Variants in RANBP2 observed in about 807,000 individuals in gnomAD.
The protein encoded by RANBP2 is E3 SUMO-protein ligase RanBP2.
Under a neutral mutation model 303.6 loss-of-function variants are expected in RANBP2, and 57 were observed. The observed-to-expected ratio is 0.19, with a 90% CI of 0.15 to 0.23. The LOEUF is 0.23. Ranked by LOEUF, RANBP2 falls within the 10% of genes least tolerant of loss-of-function variation. RANBP2 has a pLI of 1.00. For synonymous variants in RANBP2, 1,167 were observed against 1,301.5 expected, an observed-to-expected ratio of 0.90 and a Z score of 2.23; for missense variants, 3,138 against 3,780.8, an observed-to-expected ratio of 0.83 and a Z score of 4.46.
At chr2:109,409,329 T>C in the RANBP2 span, among the ~76,000 whole-genome samples, 3 of 152,170 alleles carry the variant, frequency 2.0e-5, no homozygotes, top group African/African-American at 7.2e-5. Context: ...GTAAATAATC[T>C]AGACTTTGCA....
the RANBP2 span, among the ~76,000 whole-genome samples, chr2:109,147,465 A>G: frequency 6.6e-6 from 1 of 152,144 alleles, no homozygotes; most frequent in Non-Finnish European, 1.5e-5. Context: ...CGTATTTATA[A>G]TTTTCCATCT....
chr2:109,168,269 G>C, the RANBP2 span, among the ~76,000 whole-genome samples: 2 of 152,214 alleles, frequency 1.3e-5, no homozygotes, highest in Non-Finnish European at 2.9e-5. Context: ...GATGGGGTCT[G>C]ACTGTTGGGA....
the RANBP2 span, among the ~76,000 whole-genome samples, chr2:109,014,229 TA>T: frequency 6.6e-6 from 1 of 152,192 alleles, no homozygotes. Flanking sequence ...GCCATTACTT[TA>T]GGAAAATGGA....
chr2:109,604,946 A>G, the RANBP2 span: 1 of 152,208 alleles, frequency 6.6e-6, no homozygotes, highest in African/African-American at 2.4e-5. Context: ...GTGAAGCAGG[A>G]AAGAGAATAG....
At chr2:109,545,414 C>T in the RANBP2 span, 68 of 1,535,814 alleles carry the variant, frequency 4.4e-5, no homozygotes, top group Non-Finnish European at 5.8e-5. Flanking sequence ...CGATTATCAT[C>T]CACATGCTAC....
the RANBP2 span, among the ~76,000 whole-genome samples, chr2:109,277,900 T>TGTG: frequency 6.6e-6 from 1 of 150,996 alleles, no homozygotes; most frequent in Non-Finnish European, 1.5e-5. Flanking sequence ...TCAGGCCGGG[T>TGTG]GTGGTGGCTC....
the RANBP2 span, among the ~76,000 whole-genome samples, chr2:108,943,749 C>T: frequency 6.6e-6 from 1 of 152,134 alleles, no homozygotes; most frequent in African/African-American, 2.4e-5. Context: ...GAGATGAATC[C>T]ATGGGGCTGA....
the RANBP2 span, among the ~76,000 whole-genome samples, chr2:109,514,635 C>A: frequency 6.6e-6 from 1 of 152,216 alleles, no homozygotes; most frequent in Non-Finnish European, 1.5e-5. Context: ...CTTGAGCCTG[C>A]AGTGCTCTGC....
At chr2:109,231,229 G>T in the RANBP2 span, among the ~76,000 whole-genome samples, 2 of 152,362 alleles carry the variant, frequency 1.3e-5, no homozygotes, top group South Asian at 2.1e-4. Flanking sequence ...TCATCCAGGG[G>T]CTGTTTCCTG....
chr2:109,582,680 C>T, the RANBP2 span, among the ~76,000 whole-genome samples: 2 of 152,050 alleles, frequency 1.3e-5, no homozygotes, highest in Non-Finnish European at 2.9e-5. Flanking sequence ...AAAAACTATT[C>T]TAAAATTCAT....
chr2:109,366,312 A>C, the RANBP2 span, among the ~76,000 whole-genome samples: 1 of 152,222 alleles, frequency 6.6e-6, no homozygotes, highest in Admixed American at 6.5e-5. Flanking sequence ...TAAGTAAATT[A>C]CAGTAAATTC....
chr2:109,688,577 C>T, the RANBP2 span, among the ~76,000 whole-genome samples: 1 of 152,006 alleles, frequency 6.6e-6, no homozygotes, highest in Non-Finnish European at 1.5e-5. Flanking sequence ...GAGATCAAGA[C>T]CATCCTGGCC....
At chr2:108,826,852 A>G in the RANBP2 span, among the ~76,000 whole-genome samples, 6 of 152,228 alleles carry the variant, frequency 3.9e-5, no homozygotes, top group Admixed American at 6.5e-5. Context: ...CATCTTAACA[A>G]CATTGTCTGC....
the RANBP2 span, among the ~76,000 whole-genome samples, chr2:109,557,767 T>A: frequency 3.9e-5 from 6 of 152,296 alleles, 1 homozygote; most frequent in African/African-American, 1.4e-4. Context: ...TTTCTTATCA[T>A]AGATTTATTA....
At chr2:108,880,216 A>G in the RANBP2 span, among the ~76,000 whole-genome samples, 1 of 3,964 alleles carries the variant, frequency 2.5e-4, no homozygotes, top group African/African-American at 1.8e-3. Flanking sequence ...ACAACAAACA[A>G]AAACAAACAA....
rs1163182064 is a variant in RANBP2, at chr2:108,719,688, T to C, written c.72+10T>C. 4 of 1,599,502 alleles carry C rather than the reference T, an allele frequency of 2.5e-6. No individual in the cohort carries two copies. The highest frequency in any genetic ancestry group is 3.4e-6 in the Non-Finnish European group (4 of 1,174,500). On this transcript the variant is annotated intron_variant, in intron 1 of 28. Coordinates refer to ENST00000283195, the MANE Select transcript of RANBP2 (RefSeq NM_006267.5). ...CCCGTCGCCTCGACAGGTGAGTGGGTCTCGAAGAGACCGACGGCCTCGACC... is the reference window on the plus strand; with the variant it reads ...CCCGTCGCCTCGACAGGTGAGTGGGCCTCGAAGAGACCGACGGCCTCGACC...
At chr2:108,971,836 T>C in the RANBP2 span, among the ~76,000 whole-genome samples, 1 of 152,216 alleles carries the variant, frequency 6.6e-6, no homozygotes, top group African/African-American at 2.4e-5. Context: ...GTGACTCGTT[T>C]CTAGCCAACA....
At chr2:109,445,479 GAA>G in the RANBP2 span, among the ~76,000 whole-genome samples, 2 of 152,056 alleles carry the variant, frequency 1.3e-5, no homozygotes, top group African/African-American at 4.8e-5. Context: ...AAAAATATAA[GAA>G]AGAGCCAGTG....
At chr2:109,226,163 T>A in the RANBP2 span, among the ~76,000 whole-genome samples, 1 of 152,230 alleles carries the variant, frequency 6.6e-6, no homozygotes, top group Non-Finnish European at 1.5e-5. Context: ...AGTTATTATC[T>A]GTTTCCCAGG....
Sources: gnomAD v4.1 joint callset for allele counts (sites outside exome capture counted in the v4.1 genomes callset) on GRCh38, gnomAD v4.1.1 for gene constraint, MANE v1.5 for transcripts, NCBI Gene and HGNC (gene_info 2026-07-23, HGNC 2026-07-21) for gene names.